Variants in LRRC49 observed in about 807,000 individuals in gnomAD.
The protein encoded by LRRC49 is leucine rich repeat containing 49, also known as leucine-rich repeat-containing protein 49.
In LRRC49, 50 loss-of-function variants were observed where a neutral mutation model predicts 83.3. That is an observed-to-expected ratio of 0.60 (90% CI 0.48 to 0.76). LRRC49 has a LOEUF of 0.76. Ranked by LOEUF, LRRC49 falls within the 30% of genes least tolerant of loss-of-function variation. The pLI, the probability that LRRC49 is intolerant of heterozygous loss-of-function variation, is 0.00. For missense variants in LRRC49, 704 were observed against 809.1 expected (o/e 0.87, Z 1.58); for synonymous variants, 286 against 283.3 (o/e 1.01, Z -0.10).
chr15:70,853,982 T>C (rs1334282248), intron 1 of LRRC49: 2 of 1,459,816 alleles, frequency 1.4e-6, no homozygotes, highest in East Asian at 3.1e-5. Flanking sequence ...CTCCGCCCCC[T>C]CCTCCTCGTC....
At chr15:71,000,391 A>G (rs182570604) in intron 11 of LRRC49, among the ~76,000 whole-genome samples, 2 of 152,370 alleles carry the variant, frequency 1.3e-5, no homozygotes, top group East Asian at 3.9e-4. Context: ...CTATAATCAT[A>G]AAACTTTGTC....
chr15:70,890,543 CTAATA>C (rs755869376), upstream of LRRC49, among the ~76,000 whole-genome samples: 2 of 152,156 alleles, frequency 1.3e-5, no homozygotes, highest in Non-Finnish European at 2.9e-5. Flanking sequence ...AGCTTACATT[CTAATA>C]TGAGAAACAA....
At chr15:70,973,623 G>A (rs995715464) in intron 9 of LRRC49, among the ~76,000 whole-genome samples, 14 of 152,274 alleles carry the variant, frequency 9.2e-5, no homozygotes, top group Admixed American at 5.9e-4. Flanking sequence ...AGGGAGATGG[G>A]AGTTTTATCT....
chr15:70,862,723 T>G (rs1341909186), intron 1 of LRRC49, among the ~76,000 whole-genome samples: 2 of 152,032 alleles, frequency 1.3e-5, no homozygotes, highest in African/African-American at 4.8e-5. Flanking sequence ...AGAACCTCTG[T>G]GTTCGGTCTT....
intron 5 of LRRC49, among the ~76,000 whole-genome samples, chr15:70,910,729 T>A (rs983423024): frequency 2.0e-4 from 31 of 152,228 alleles, no homozygotes; most frequent in African/African-American, 7.2e-4. Flanking sequence ...TTAGTTAGTA[T>A]GTTCGTTCAT....
At chr15:70,990,630 C>T (rs1029764549) in intron 11 of LRRC49, among the ~76,000 whole-genome samples, 1 of 152,180 alleles carries the variant, frequency 6.6e-6, no homozygotes, top group Non-Finnish European at 1.5e-5. Flanking sequence ...ATGCATGGTG[C>T]GCTGCACCCA....
intron 1 of LRRC49, chr15:70,860,263 TG>T: frequency 1.7e-6 from 1 of 585,036 alleles, no homozygotes. Flanking sequence ...GAGACCCACC[TG>T]AGGCTCAGCC....
rs1596189851 is a variant in LRRC49, at chr15:71,052,390, A to C, written c.*2778A>C. The C allele has an allele frequency of 6.6e-6, 1 of 152,192 alleles. No homozygotes were observed. The highest frequency in any genetic ancestry group is 1.5e-5 in the Non-Finnish European group (1 of 68,056). The allele number at this position is 152,192 out of a possible 1,614,324, so 9.4% of individuals were successfully genotyped here. On this transcript the variant is annotated 3_prime_UTR_variant, in exon 16 of 16. Coordinates refer to ENST00000260382, the MANE Select transcript of LRRC49 (RefSeq NM_017691.5). The stretch of plus-strand genomic sequence containing the variant: ...TTCTGGTACAGCAGCTGGATGGTGA[A>C]GTGTGCTGCTACACCTGAGGATGGT...
Position 70,919,127 on chromosome 15 carries a change from T to C in LRRC49, c.645T>C (p.Val215=). The C allele has an allele frequency of 6.2e-7, 1 of 1,612,808 alleles. No individual in the cohort carries two copies. Among genetic ancestry groups the C allele is most frequent in the Non-Finnish European group, 8.5e-7 (1 of 1,179,094 alleles). ...LNLARNFLSH[V]DNLNGLDSLT... The stretch of plus-strand genomic sequence containing the variant: ...TTGCCAGGAACTTTTTAAGTCATGT[T>C]GATAATCTTAATGGGCTGGATTCAC... Residue 215 remains valine (V), a synonymous_variant, in exon 7 of 16, where the codon GTT becomes GTC. Transcript: ENST00000260382.
chr15:70,858,321 G>A (rs570151157), intron 1 of LRRC49, among the ~76,000 whole-genome samples: 33 of 152,306 alleles, frequency 2.2e-4, no homozygotes, highest in African/African-American at 7.5e-4. Flanking sequence ...GGGTCTCACA[G>A]CTGGGTGCAG....
At chr15:70,988,418 G>A (rs1227087306) in intron 11 of LRRC49, among the ~76,000 whole-genome samples, 1 of 149,848 alleles carries the variant, frequency 6.7e-6, no homozygotes, top group East Asian at 2.0e-4. Flanking sequence ...TTTGATCTTT[G>A]TTGGTTTAAA....
chr15:70,897,201 G>A (rs2033873816), intron 3 of LRRC49, among the ~76,000 whole-genome samples: 1 of 152,040 alleles, frequency 6.6e-6, no homozygotes. Context: ...AGGACGGCTG[G>A]CCAGGCAAAC....
chr15:70,895,676 T>C, intron 2 of LRRC49, 173 bp from the exon 3 acceptor site: 1 of 519,852 alleles, frequency 1.9e-6, no homozygotes, highest in South Asian at 2.8e-5. Context: ...TCCATCTCTA[T>C]GGATTTGCCA....
intron 11 of LRRC49, among the ~76,000 whole-genome samples, chr15:71,004,796 C>G (rs965686922): frequency 2.0e-5 from 3 of 151,948 alleles, no homozygotes; most frequent in African/African-American, 7.3e-5. Context: ...TAACACAGAA[C>G]AGAAAATCAA....
intron 2 of LRRC49, among the ~76,000 whole-genome samples, chr15:70,874,328 C>A (rs978277796): frequency 6.6e-6 from 1 of 152,092 alleles, no homozygotes; most frequent in African/African-American, 2.4e-5. Flanking sequence ...CCAGGAGGTA[C>A]AAAGGGCAGG....
chr15:70,966,516 G>A (rs1022614676), intron 9 of LRRC49, among the ~76,000 whole-genome samples: 5 of 152,238 alleles, frequency 3.3e-5, no homozygotes, highest in Middle Eastern at 6.8e-3. Flanking sequence ...AGTGTCCAAT[G>A]TGATTCTCTG....
At chr15:71,005,426 A>T (rs145050266) in intron 11 of LRRC49, among the ~76,000 whole-genome samples, 1 of 152,250 alleles carries the variant, frequency 6.6e-6, no homozygotes, top group Non-Finnish European at 1.5e-5. Flanking sequence ...TTTGAGGGCA[A>T]ATATATCTTG....
rs1383230548 is a variant in LRRC49 at position 71,038,107 on chromosome 15, A to G, written c.1857+775A>G. Among the ~76,000 whole-genome samples, 3 of 152,316 alleles carry G rather than the reference A, an allele frequency of 2.0e-5. No individual in the cohort carries two copies. In the East Asian group the frequency reaches 5.8e-4, roughly 29 times the overall value. On this transcript the variant is annotated intron_variant, in intron 15 of 15. Transcript: ENST00000260382. The stretch of plus-strand genomic sequence containing the variant: ...CACATTTACTGAGCATCTATGACTC[A>G]TGTGCAAGGTGCTGTATGAGGTGAT...
upstream of LRRC49, among the ~76,000 whole-genome samples, chr15:70,888,361 A>G (rs1294462686): frequency 6.6e-6 from 1 of 152,208 alleles, no homozygotes; most frequent in East Asian, 1.9e-4. Context: ...AAACAGACCT[A>G]TGCATATAAA....
Sources: allele counts gnomAD v4.1 joint callset (sites outside exome capture counted in the v4.1 genomes callset), GRCh38; gene constraint gnomAD v4.1.1; transcripts MANE v1.5; gene names NCBI Gene and HGNC (gene_info 2026-07-23, HGNC 2026-07-21).